The following ACRV1 variants were observed in gnomAD, a reference collection of about 807,000 sequenced individuals.
ACRV1 encodes acrosomal protein SP-10.
ACRV1 carries 17 observed loss-of-function variants against 29.2 expected under a neutral mutation model. The ratio of observed to expected loss-of-function variants is 0.58; its 90% CI spans 0.40 to 0.87. ACRV1 has a LOEUF of 0.87. ACRV1 is among the 40% of genes least tolerant of loss of function. The probability of loss-of-function intolerance (pLI) is 0.00; values close to 1 mark genes in which losing one functional copy is unlikely to be tolerated. For missense variants in ACRV1, 294 were observed against 316.0 expected (o/e 0.93, Z 0.53); for synonymous variants, 98 against 111.6 (o/e 0.88, Z 0.77).
intron 3 of ACRV1, 82 bp from the exon 4 acceptor site, chr11:125,672,799 A>C (rs1942266015): frequency 6.5e-7 from 1 of 1,545,806 alleles, no homozygotes; most frequent in Admixed American, 1.9e-5. Context: ...CAGTGTCTCC[A>C]TGCAGGATGG....
chr11:125,674,149 A>G (rs554762726), intron 3 of ACRV1, among the ~76,000 whole-genome samples: 1 of 152,312 alleles, frequency 6.6e-6, no homozygotes, highest in Non-Finnish European at 1.5e-5. Flanking sequence ...TCAAAAAAAA[A>G]ATTAACGGAC....
Position 125,676,470 on chromosome 11 carries a change from A to G in ACRV1, c.562T>C (p.Leu188=), listed in dbSNP as rs1317788760. Reference sequence around the variant, plus strand: ...ATATAAGCACATGTGTAGCAATTTAATATTGTGCCTGAAAATTTAAGATAA... The same window carrying G: ...ATATAAGCACATGTGTAGCAATTTAGTATTGTGCCTGAAAATTTAAGATAA... ...PISSTSTGTI[L]NCYTCAYMND... Residue 188 remains leucine, a synonymous_variant, in exon 3 of 4, where the codon TTA becomes CTA. Coordinates refer to ENST00000533904, the MANE Select transcript of ACRV1 (RefSeq NM_001612.6). 3.1e-6 allele frequency: 5 copies of G among 1,614,072 alleles called. No homozygotes were observed. Among genetic ancestry groups the G allele is most frequent in the Non-Finnish European group, 3.4e-6 (4 of 1,180,018 alleles).
At chr11:125,672,743 G>T in intron 3 of ACRV1, 26 bp from the exon 4 acceptor site, 1 of 1,612,958 alleles carries the variant, frequency 6.2e-7, no homozygotes, top group South Asian at 1.1e-5. Context: ...ACAGACTAGT[G>T]AGCAGAAAGC....
At chr11:125,678,476 G>A (rs75903944) in intron 1 of ACRV1, among the ~76,000 whole-genome samples, 179 bp from the exon 2 acceptor site, 1 of 152,158 alleles carries the variant, frequency 6.6e-6, no homozygotes, top group African/African-American at 2.4e-5. Flanking sequence ...AGGCCATGGA[G>A]GACAGAAGTG....
intron 1 of ACRV1, among the ~76,000 whole-genome samples, chr11:125,678,608 A>C (rs1180987501): frequency 1.3e-5 from 2 of 152,102 alleles, no homozygotes; most frequent in Non-Finnish European, 2.9e-5. Flanking sequence ...AAGGAAAATG[A>C]ATGTGCCTCC....
intron 3 of ACRV1, 103 bp downstream of exon 3, chr11:125,676,256 G>T: frequency 7.1e-7 from 1 of 1,414,742 alleles, no homozygotes; most frequent in Non-Finnish European, 9.7e-7. Flanking sequence ...GAATCTTCAA[G>T]TTCCTTGATT....
intron 1 of ACRV1, among the ~76,000 whole-genome samples, chr11:125,680,364 C>G (rs559159551): frequency 6.6e-6 from 1 of 152,328 alleles, no homozygotes; most frequent in Non-Finnish European, 1.5e-5. Context: ...CATCTCCCAT[C>G]TTTCCTTGGC....
At chr11:125,678,322 G>C in intron 1 of ACRV1, 25 bp from the exon 2 acceptor site, 1 of 1,607,286 alleles carries the variant, frequency 6.2e-7, no homozygotes, top group East Asian at 2.2e-5. Context: ...GAACAGAAGA[G>C]AGTTGGTGAA....
chr11:125,672,641 C>T lies in ACRV1; in HGVS notation c.750G>A (p.Arg250=), dbSNP rs1942253306. The T allele has an allele frequency of 1.2e-6, 2 of 1,614,020 alleles. No individual in the cohort carries two copies. The highest frequency in any genetic ancestry group is 1.7e-6 in the Non-Finnish European group (2 of 1,180,036). ...PSMNLFSHGT[R]MQIICCRNQS... is the part of the protein sequence containing the mutation. The stretch of plus-strand genomic sequence containing the variant: ...GATTTCGACAGCATATAATTTGCAT[C>T]CTCGTTCCATGGGAGAAGAGGTTCA... The change falls in exon 4 of 4, where the codon AGG becomes AGA. Residue 250 remains arginine (R), a synonymous_variant. Transcript: ENST00000533904.
At position 125,671,781 on chromosome 11, in the gene ACRV1, T is replaced by C. The variant is rs1220010225; in HGVS notation, c.*812A>G. ...ACATTTCCTTATTTGCAAAAAAGGA[T>C]GATGCCATCTTTCCTGTCTACCACT... is the stretch of plus-strand genomic sequence containing the variant. On this transcript the variant is annotated 3_prime_UTR_variant, in exon 4 of 4. Coordinates refer to ENST00000533904, the MANE Select transcript of ACRV1 (RefSeq NM_001612.6). 6 of 152,202 alleles carry C rather than the reference T, an allele frequency of 3.9e-5. No homozygotes were observed. Among genetic ancestry groups the C allele is most frequent in the Non-Finnish European group, 8.8e-5 (6 of 68,030 alleles). The allele number at this position is 152,202 out of a possible 1,614,324, so 9.4% of individuals were successfully genotyped here. A position where few individuals can be genotyped will look rare whatever the true frequency, so the allele number is the denominator to read the frequency against.
chr11:125,675,185 G>T (rs1942433102), intron 3 of ACRV1, among the ~76,000 whole-genome samples: 1 of 152,162 alleles, frequency 6.6e-6, no homozygotes, highest in Non-Finnish European at 1.5e-5. Flanking sequence ...GTACAAACAA[G>T]ATTGAGAACT....
rs1452933697 is a variant in ACRV1 at position 125,671,965 on chromosome 11, T to G, written c.*628A>C. Reference sequence around the variant, plus strand: ...TGTGAAAAAAATGATTTAAGCATTATGAACTGCTGCAATATATAGCAAATA... The same window carrying G: ...TGTGAAAAAAATGATTTAAGCATTAGGAACTGCTGCAATATATAGCAAATA... On this transcript the variant is annotated 3_prime_UTR_variant, in exon 4 of 4. Coordinates refer to ENST00000533904, the MANE Select transcript of ACRV1 (RefSeq NM_001612.6). 6.6e-6 allele frequency: 1 copy of G among 152,272 alleles called. No homozygotes were observed. Among genetic ancestry groups the G allele is most frequent in the East Asian group, 1.9e-4 (1 of 5,198 alleles). The allele number at this position is 152,272 out of a possible 1,614,324, so 9.4% of individuals were successfully genotyped here.
intron 1 of ACRV1, among the ~76,000 whole-genome samples, chr11:125,678,989 T>C (rs1163520680): frequency 1.4e-5 from 2 of 139,884 alleles, no homozygotes; most frequent in Admixed American, 1.4e-4. Flanking sequence ...TATATATATA[T>C]ATATATATAG....
chr11:125,673,848 G>C (rs1591434914), intron 3 of ACRV1, among the ~76,000 whole-genome samples: 2 of 152,002 alleles, frequency 1.3e-5, no homozygotes, highest in Non-Finnish European at 1.5e-5. Flanking sequence ...GTTTGTTTCT[G>C]TCACTCGGTT....
intron 1 of ACRV1, among the ~76,000 whole-genome samples, chr11:125,680,122 C>T (rs1450886214): frequency 6.6e-6 from 1 of 152,252 alleles, no homozygotes; most frequent in East Asian, 1.9e-4. Context: ...CTCTGACAGT[C>T]GACATTATAG....
At chr11:125,679,464 C>T (rs569517568) in intron 1 of ACRV1, among the ~76,000 whole-genome samples, 6 of 152,202 alleles carry the variant, frequency 3.9e-5, no homozygotes, top group Admixed American at 6.5e-5. Context: ...GTGATCCGCC[C>T]GCCTCAGCCT....
intron 3 of ACRV1, among the ~76,000 whole-genome samples, chr11:125,675,164 G>C (rs1942431443): frequency 6.6e-6 from 1 of 152,160 alleles, no homozygotes; most frequent in Non-Finnish European, 1.5e-5. Context: ...AGTTGCTCAG[G>C]TGATTGTAAT....
intron 1 of ACRV1, among the ~76,000 whole-genome samples, chr11:125,678,828 C>A (rs1346650969): frequency 6.6e-6 from 1 of 151,216 alleles, no homozygotes; most frequent in African/African-American, 2.4e-5. Context: ...CAAGTATGAG[C>A]CCACAAAAAT....
intron 3 of ACRV1, among the ~76,000 whole-genome samples, chr11:125,673,724 T>G (rs538424822): frequency 6.6e-6 from 1 of 152,338 alleles, no homozygotes; most frequent in African/African-American, 2.4e-5. Flanking sequence ...TTTTGTGAGT[T>G]TCCTTTATAT....
Sources: allele counts gnomAD v4.1 joint callset (sites outside exome capture counted in the v4.1 genomes callset), GRCh38; gene constraint gnomAD v4.1.1; transcripts MANE v1.5; gene names NCBI Gene and HGNC (gene_info 2026-07-23, HGNC 2026-07-21).